Variants in ZNF385D observed in about 807,000 individuals in gnomAD.
ZNF385D encodes the protein zinc finger protein 659.
In ZNF385D, 15 loss-of-function variants were observed where a neutral mutation model predicts 35.8. That is an observed-to-expected ratio of 0.42 (90% CI 0.28 to 0.64). The LOEUF is 0.64. ZNF385D is among the 30% of genes least tolerant of loss of function. ZNF385D has a pLI of 0.23. For synonymous variants in ZNF385D, 212 were observed against 186.8 expected (o/e 1.13, Z -1.10); for missense variants, 474 against 494.6 (o/e 0.96, Z 0.39).
chr3:22,172,415 G>A (rs576327387), intron 2 of ZNF385D, among the ~76,000 whole-genome samples: 1 of 152,176 alleles, frequency 6.6e-6, no homozygotes, highest in South Asian at 2.1e-4. Context: ...GAGTTAATTT[G>A]AGAAAAAATA....
chr3:22,198,557 G>C (rs1230410855), intron 2 of ZNF385D, among the ~76,000 whole-genome samples: 1 of 152,016 alleles, frequency 6.6e-6, no homozygotes, highest in African/African-American at 2.4e-5. Context: ...TGTAAAGCAA[G>C]AACATTTTGA....
chr3:22,262,136 TTTTTC>T (rs546725068), intron 2 of ZNF385D, among the ~76,000 whole-genome samples: 83 of 152,156 alleles, frequency 5.5e-4, no homozygotes, highest in African/African-American at 1.9e-3. Context: ...GTTATCATCA[TTTTTC>T]TTTTCTTTTG....
intron 3 of ZNF385D, among the ~76,000 whole-genome samples, chr3:21,964,851 C>G (rs1702818870): frequency 6.6e-6 from 1 of 152,054 alleles, no homozygotes; most frequent in East Asian, 1.9e-4. Context: ...GTAATAATTT[C>G]TATTCTTATT....
rs1165742371 is a variant in ZNF385D, at chr3:21,414,777, C to T, written c.*6437G>A. On this transcript the variant is annotated 3_prime_UTR_variant, in exon 8 of 8. Transcript: ENST00000281523. The stretch of plus-strand genomic sequence containing the variant: ...GGCCACAAGGCTTTTTCGCCAATAT[C>T]CAGTACTTCCACACATTTTTCTATA... 6.6e-6 allele frequency: 1 copy of T among 152,062 alleles called. No individual in the cohort carries two copies. The highest frequency in any genetic ancestry group is 1.5e-5 in the Non-Finnish European group (1 of 67,994). 9.4% of individuals were successfully genotyped at this position (152,062 alleles called of 1,614,324 possible).
intron 3 of ZNF385D, among the ~76,000 whole-genome samples, chr3:21,934,310 C>T (rs902221231): frequency 3.9e-5 from 6 of 152,092 alleles, no homozygotes; most frequent in Admixed American, 6.5e-5. Flanking sequence ...ATACCAAAAG[C>T]TGCATTTGGG....
chr3:22,335,428 G>C (rs1316470284), intron 2 of ZNF385D, among the ~76,000 whole-genome samples: 1 of 152,048 alleles, frequency 6.6e-6, no homozygotes, highest in Non-Finnish European at 1.5e-5. Flanking sequence ...TTTCCTTCCA[G>C]ATAGTTCAGA....
At chr3:22,326,149 G>C (rs1694668525) in intron 2 of ZNF385D, among the ~76,000 whole-genome samples, 1 of 152,170 alleles carries the variant, frequency 6.6e-6, no homozygotes, top group Admixed American at 6.5e-5. Context: ...ACTGGAGTCT[G>C]TATTTCCATT....
rs185889444 is a variant in ZNF385D at position 22,194,162 on chromosome 3, A to G, written c.107-25127T>C. ...TTTTATAATCTCTTATGTTTAGTAC[A>G]TAACAACTATCAGATTTTGATTGTT... On this transcript the variant is annotated intron_variant, in intron 2 of 5. Coordinates refer to the ZNF385D transcript ENST00000494108. Among the ~76,000 whole-genome samples, 1,021 of 148,060 alleles carry G rather than the reference A, an allele frequency of 6.9e-3. 6 individuals carry two copies. The highest frequency in any genetic ancestry group is 0.023 in the African/African-American group (953 of 41,406).
chr3:22,229,512 A>G (rs1403424587), intron 2 of ZNF385D, among the ~76,000 whole-genome samples: 1 of 152,200 alleles, frequency 6.6e-6, no homozygotes, highest in Non-Finnish European at 1.5e-5. Flanking sequence ...TGGCATTGCC[A>G]TTCCCTTTAT....
rs145810625 is a variant in ZNF385D, at chr3:21,997,862, CGCGCGCGCGCGTGT to C, written c.325+170941_325+170954del. On this transcript the variant is annotated intron_variant, in intron 3 of 5. Transcript: ENST00000494108. ...TTTGTTGATGTTGCTATTTGGCGCG[CGCGCGCGCGCGTGT>C]GTGTGTGTGTGTGTGTGTGTGTGTG... Among the ~76,000 whole-genome samples the C allele has an allele frequency of 4.3e-3, 479 of 112,420 alleles. 2 individuals carry two copies. The highest frequency in any genetic ancestry group is 0.018 in the Middle Eastern group (4 of 228). The allele number at this position is 112,420 out of a possible 152,430, so 73.8% of individuals were successfully genotyped here.
chr3:21,421,069 T>A lies in ZNF385D; in HGVS notation c.*145A>T, dbSNP rs1201717081. ...CCACCCCCAAACCTCCCCCACTTTT[T>A]TATAACCTTTTCAATTCACTATCAA... On this transcript the variant is annotated 3_prime_UTR_variant, in exon 8 of 8. Transcript: ENST00000281523. 2.6e-6 allele frequency: 1 copy of A among 382,528 alleles called. No individual in the cohort carries two copies. The highest frequency in any genetic ancestry group is 4.4e-6 in the Non-Finnish European group (1 of 225,996). The allele number at this position is 382,528 out of a possible 1,614,324, so 23.7% of individuals were successfully genotyped here.
At chr3:22,139,793 G>A (rs1340620617) in intron 3 of ZNF385D, among the ~76,000 whole-genome samples, 1 of 152,040 alleles carries the variant, frequency 6.6e-6, no homozygotes, top group Admixed American at 6.6e-5. Context: ...AGTTCATTAA[G>A]TAGAGATATA....
intron 2 of ZNF385D, among the ~76,000 whole-genome samples, chr3:22,265,340 A>G (rs571003828): frequency 6.6e-6 from 1 of 152,018 alleles, no homozygotes; most frequent in East Asian, 1.9e-4. Flanking sequence ...TCATTTTAAA[A>G]TGAATTAAGA....
intron 3 of ZNF385D, among the ~76,000 whole-genome samples, chr3:21,972,450 G>C (rs930790381): frequency 3.3e-5 from 5 of 151,850 alleles, no homozygotes; most frequent in African/African-American, 1.2e-4. Flanking sequence ...TAAGAGGAAA[G>C]TTTATAGCCA....
intron 3 of ZNF385D, among the ~76,000 whole-genome samples, chr3:21,543,308 T>C (rs984300339): frequency 6.6e-6 from 1 of 152,198 alleles, no homozygotes; most frequent in African/African-American, 2.4e-5. Flanking sequence ...AGAGCGGGAC[T>C]ATCTCGGAAA....
At chr3:22,000,442 G>A (rs144729693) in intron 3 of ZNF385D, among the ~76,000 whole-genome samples, 9 of 152,196 alleles carry the variant, frequency 5.9e-5, no homozygotes, top group Non-Finnish European at 1.3e-4. Context: ...TACCCTATAT[G>A]GTCTAAAAAG....
chr3:21,473,745 C>A (rs1282139646), intron 4 of ZNF385D, among the ~76,000 whole-genome samples: 1 of 152,076 alleles, frequency 6.6e-6, no homozygotes, highest in Non-Finnish European at 1.5e-5. Flanking sequence ...CTTGAATGGG[C>A]TGAACGTCTT....
In ZNF385D at chr3:22,295,586, TTAA is replaced by T. The variant is rs1168074510; in HGVS notation, c.106+76861_106+76863del. ...CATATAAACTTAATGAAAAAAGTTT[TTAA>T]TAATGAGTGGGAACTAGTCTAGGGC... On this transcript the variant is annotated intron_variant, in intron 2 of 5. Transcript: ENST00000494108. Among the ~76,000 whole-genome samples, 3 of 152,276 alleles carry T rather than the reference TTAA, an allele frequency of 2.0e-5. No homozygotes were observed. The East Asian group carries it at 5.8e-4, about 29-fold the overall frequency.
At chr3:22,114,808 G>T (rs1702726326) in intron 3 of ZNF385D, among the ~76,000 whole-genome samples, 1 of 151,976 alleles carries the variant, frequency 6.6e-6, no homozygotes, top group Non-Finnish European at 1.5e-5. Flanking sequence ...AAGAGGTTGG[G>T]CCTTTAGGAG....
Sources: gnomAD v4.1 joint callset for allele counts (sites outside exome capture counted in the v4.1 genomes callset) on GRCh38, gnomAD v4.1.1 for gene constraint, MANE v1.5 for transcripts, NCBI Gene and HGNC (gene_info 2026-07-23, HGNC 2026-07-21) for gene names.